Variants in SETD1B observed in about 807,000 individuals in gnomAD.
SETD1B encodes the protein histone-lysine N-methyltransferase SETD1B.
In SETD1B, 7 loss-of-function variants were observed where a neutral mutation model predicts 148.0. That is an observed-to-expected ratio of 0.05 (90% CI 0.03 to 0.09). SETD1B has a LOEUF of 0.09. Ranked by LOEUF, SETD1B falls within the 10% of genes least tolerant of loss-of-function variation. The pLI is 1.00. For missense variants in SETD1B, 2,155 were observed against 2,729.9 expected (o/e 0.79, Z 4.69); for synonymous variants, 1,361 against 1,186.5 (o/e 1.15, Z -3.02).
chr12:121,794,034 G>T, the SETD1B span: 1 of 170,888 alleles, frequency 5.9e-6, no homozygotes, highest in Non-Finnish European at 1.2e-5. Context: ...GGCCAGACAG[G>T]GTCTCCCGGA....
chr12:121,828,077 G>T lies in SETD1B; in HGVS notation c.5727+7G>T. 1.9e-6 allele frequency: 3 copies of T among 1,551,776 alleles called. No homozygotes were observed. Among genetic ancestry groups the T allele is most frequent in the Non-Finnish European group, 2.6e-6 (3 of 1,147,082 alleles). ...CATCAACCACAGCTGCAACGTGAGTGCCCAGCGGGGGGTGGCCCCTGCCCC... is the reference window on the plus strand; with the variant it reads ...CATCAACCACAGCTGCAACGTGAGTTCCCAGCGGGGGGTGGCCCCTGCCCC... On this transcript the variant is annotated splice_region_variant and intron_variant, in intron 16 of 16. Coordinates refer to ENST00000604567, the MANE Select transcript of SETD1B (RefSeq NM_001353345.2).
chr12:121,799,782 T>TCC (rs1592966536), upstream of SETD1B: 1 of 139,688 alleles, frequency 7.2e-6, no homozygotes, highest in East Asian at 2.2e-4. Flanking sequence ...GGTTCGGCCC[T>TCC]CCCTGGGCTG....
rs138440434 is a variant in SETD1B, at chr12:121,819,621, C to T, written c.3636C>T (p.Asp1212=). The change falls in exon 11 of 17, where the codon GAC becomes GAT. Residue 1212 remains aspartate, a synonymous_variant. Transcript: ENST00000604567. ...ASAGPEDFEQ[D]GEEAALAPGA... is the part of the protein sequence containing the mutation. ...CAGGCCCTGAGGACTTTGAGCAGGACGGGGAGGAAGCGGCTCTGGCCCCGG... is the reference window on the plus strand; with the variant it reads ...CAGGCCCTGAGGACTTTGAGCAGGATGGGGAGGAAGCGGCTCTGGCCCCGG... 3.2e-4 allele frequency: 489 copies of T among 1,551,754 alleles called. 2 individuals are homozygous for T. In the African/African-American group the frequency reaches 4.1e-3, roughly 13 times the overall value.
chr12:121,799,860 C>G (rs1037150227), upstream of SETD1B: 1 of 152,132 alleles, frequency 6.6e-6, no homozygotes, highest in Admixed American at 6.5e-5. Flanking sequence ...AGTGGGAGGA[C>G]TGTCAGAGTC....
At chr12:121,818,167 C>T (rs887725566) in intron 10 of SETD1B, among the ~76,000 whole-genome samples, 2 of 152,190 alleles carry the variant, frequency 1.3e-5, no homozygotes, top group Admixed American at 6.5e-5. Context: ...GCTCAGCCTA[C>T]ATGGCTTCCT....
chr12:121,804,789 C>T lies in SETD1B; in HGVS notation c.52C>T (p.Pro18Ser). The T allele has an allele frequency of 6.4e-7, 1 of 1,550,880 alleles. No individual in the cohort carries two copies. Among genetic ancestry groups the T allele is most frequent in the South Asian group, 1.2e-5 (1 of 83,982 alleles). The change falls in exon 2 of 17, where the codon CCC (proline) becomes TCC (serine). Residue 18 changes from proline (P) to serine (S), a missense_variant. Transcript: ENST00000604567. The surrounding 1 kb of genome is among the most constrained non-coding windows in gnomAD (Gnocchi z 4.6). The part of the protein sequence containing the change: ...HHHHQQPPPQ[P>S]GPSGERRNHH... ...CCACCACCAGCAGCCCCCGCCGCAG[C>T]CCGGCCCTTCGGGCGAGAGGAGGAA... is the stretch of plus-strand genomic sequence containing the variant.
intron 6 of SETD1B, among the ~76,000 whole-genome samples, chr12:121,813,521 T>G (rs937742566): frequency 2.0e-5 from 3 of 152,218 alleles, no homozygotes; most frequent in African/African-American, 7.2e-5. Flanking sequence ...AAATTCTCTG[T>G]GCCCCAGTTT....
upstream of SETD1B, chr12:121,802,301 G>A (rs1875414443): frequency 6.6e-6 from 1 of 152,170 alleles, no homozygotes; most frequent in Non-Finnish European, 1.5e-5. Flanking sequence ...GGACATCTCA[G>A]CAACATTAAC....
At chr12:121,798,162 C>A in the SETD1B span, among the ~76,000 whole-genome samples, 2 of 152,234 alleles carry the variant, frequency 1.3e-5, no homozygotes, top group African/African-American at 4.8e-5. Context: ...CACCTGGAAC[C>A]CCATCCTGGC....
chr12:121,820,502 G>A (rs1285788692), intron 11 of SETD1B, among the ~76,000 whole-genome samples: 2 of 152,192 alleles, frequency 1.3e-5, no homozygotes, highest in African/African-American at 4.8e-5. Flanking sequence ...ATAGATAGCT[G>A]CATGTGGTTA....
chr12:121,791,725 G>T, the SETD1B span, among the ~76,000 whole-genome samples: 1 of 152,240 alleles, frequency 6.6e-6, no homozygotes, highest in Non-Finnish European at 1.5e-5. Flanking sequence ...TGTGGAGGCT[G>T]CCCTGAACAG....
intron 7 of SETD1B, among the ~76,000 whole-genome samples, chr12:121,815,823 CTTTT>C (rs994063316): frequency 5.1e-5 from 6 of 118,154 alleles, no homozygotes; most frequent in Admixed American, 1.7e-4. Flanking sequence ...TCTTTTCTTT[CTTTT>C]TTTTTTTTTT....
In SETD1B at chr12:121,814,407, C is replaced by T; in HGVS notation, c.2192C>T (p.Pro731Leu). The T allele has an allele frequency of 7.1e-7, 1 of 1,417,498 alleles. No homozygotes were observed. Among genetic ancestry groups the T allele is most frequent in the Non-Finnish European group, 9.2e-7 (1 of 1,081,132 alleles). The allele number at this position is 1,417,498 out of a possible 1,614,324, so 87.8% of individuals were successfully genotyped here. ...PAVTVPPPPL[P>L]APPGVPPPPI... ...GTGACAGTGCCCCCACCACCCTTGC[C>T]AGCGCCGCCTGGAGTCCCGCCCCCA... is the stretch of plus-strand genomic sequence containing the variant. Residue 731 changes from proline to leucine, a missense_variant, in exon 7 of 17, where the codon CCA (proline) becomes CTA (leucine). This residue lies in a region of SETD1B where 295 missense variants were observed against 303.8 expected (regional missense o/e 0.97). Coordinates refer to ENST00000604567, the MANE Select transcript of SETD1B (RefSeq NM_001353345.2).
chr12:121,814,624 C>A lies in SETD1B; in HGVS notation c.2409C>A (p.Ala803=). The A allele has an allele frequency of 6.5e-7, 1 of 1,544,972 alleles. No homozygotes were observed. Among genetic ancestry groups the A allele is most frequent in the Non-Finnish European group, 8.7e-7 (1 of 1,143,528 alleles). ...PYPPFMAAAA[A]AASAGLQFVN... ...CGCCCTTCATGGCCGCTGCGGCCGC[C>A]GCTGCCTCAGCTGGGCTCCAGTTTG... Residue 803 remains alanine (A), a synonymous_variant, in exon 7 of 17, where the codon GCC becomes GCA. Coordinates refer to ENST00000604567, the MANE Select transcript of SETD1B (RefSeq NM_001353345.2).
At chr12:121,792,401 C>G in the SETD1B span, among the ~76,000 whole-genome samples, 3 of 152,238 alleles carry the variant, frequency 2.0e-5, no homozygotes, top group Non-Finnish European at 2.9e-5. Context: ...CCCCACCCCT[C>G]ACAACACCGA....
chr12:121,805,303 T>C lies in SETD1B; in HGVS notation c.273+87T>C, dbSNP rs1480699225. On this transcript the variant is annotated intron_variant, in intron 3 of 16. Transcript: ENST00000604567. The surrounding 1 kb of genome is among the most constrained non-coding windows in gnomAD (Gnocchi z 4.2). ...CCAGTCCTGACCGAGCCCAGCCGGATTCCCAGTTCCCGCCGTCCGGGGCCA... is the reference window on the plus strand; with the variant it reads ...CCAGTCCTGACCGAGCCCAGCCGGACTCCCAGTTCCCGCCGTCCGGGGCCA... The C allele has an allele frequency of 7.0e-6, 8 of 1,144,586 alleles. No homozygotes were observed. In the East Asian group the frequency reaches 1.8e-4, roughly 26 times the overall value. 70.9% of individuals were successfully genotyped at this position (1,144,586 alleles called of 1,614,324 possible).
Position 121,822,823 on chromosome 12 carries a change from C to G in SETD1B, c.4244C>G (p.Pro1415Arg). ...GSPFSYPAPS[P>R]SLSSGGLPRT... The stretch of plus-strand genomic sequence containing the variant: ...CCCTTCTCCTACCCAGCCCCGTCCC[C>G]TAGCTTGAGCAGTGGGGGCCTCCCT... Residue 1415 changes from proline (P) to arginine (R), a missense_variant, in exon 12 of 17, where the codon CCT (proline) becomes CGT (arginine). By Grantham distance (103) the Pro-to-Arg change is moderately radical. Transcript: ENST00000604567. The G allele has an allele frequency of 6.7e-7, 1 of 1,496,860 alleles. No homozygotes were observed. Among genetic ancestry groups the G allele is most frequent in the Non-Finnish European group, 9.0e-7 (1 of 1,117,116 alleles). 92.7% of individuals were successfully genotyped at this position (1,496,860 alleles called of 1,614,324 possible). A position where few individuals can be genotyped will look rare whatever the true frequency, so the allele number is the denominator to read the frequency against.
In SETD1B at chr12:121,806,193, C is replaced by G. The variant is rs901037776; in HGVS notation, c.544+88C>G. 1.6e-5 allele frequency: 23 copies of G among 1,402,334 alleles called. No homozygotes were observed. The Admixed American group carries it at 4.9e-4, about 30-fold the overall frequency. 86.9% of individuals were successfully genotyped at this position (1,402,334 alleles called of 1,614,324 possible). On this transcript the variant is annotated intron_variant, in intron 4 of 16. Transcript: ENST00000604567. ...TTCCTGCAGCGTGGGGAGGACCCCCCCTCACTCTTCCTTGGGATCCCCCCC... is the reference window on the plus strand; with the variant it reads ...TTCCTGCAGCGTGGGGAGGACCCCCGCTCACTCTTCCTTGGGATCCCCCCC...
At chr12:121,799,716 CTGGGGGGGGGGGGG>C (rs1566540637), upstream of SETD1B, 2 of 1,028 alleles carry the variant, frequency 1.9e-3, 1 homozygote, top group African/African-American at 0.012. Flanking sequence ...GCGCTCGCAG[CTGGGGGGGGGGGGG>C]TGGGGTGGGG....
Sources: allele counts gnomAD v4.1 joint callset (sites outside exome capture counted in the v4.1 genomes callset), GRCh38; gene constraint gnomAD v4.1.1; regional missense constraint gnomAD v4.1.1; non-coding constraint Gnocchi (gnomAD v3.1); transcripts MANE v1.5; gene names NCBI Gene and HGNC (gene_info 2026-07-23, HGNC 2026-07-21).